The following LUZP2 variants were observed in gnomAD, a reference collection of about 807,000 sequenced individuals.
LUZP2 encodes the protein leucine zipper protein 2.
In LUZP2, 52 loss-of-function variants were observed where a neutral mutation model predicts 51.6. That is an observed-to-expected ratio of 1.01 (90% CI 0.81 to 1.27). The LOEUF (loss-of-function observed/expected upper bound fraction) is 1.27, where lower values mean the gene tolerates loss of function less well. Ranked by LOEUF, LUZP2 falls within the 50% of genes most tolerant of loss-of-function variation. The pLI is 0.00. For missense variants in LUZP2, 436 were observed against 395.4 expected (o/e 1.10, Z -0.87); for synonymous variants, 154 against 137.3 (o/e 1.12, Z -0.85).
chr11:24,746,086 A>G (rs1381709197), intron 4 of LUZP2, among the ~76,000 whole-genome samples: 2 of 152,094 alleles, frequency 1.3e-5, no homozygotes, highest in Non-Finnish European at 2.9e-5. Context: ...TTGTGCTGTT[A>G]TGTACTTGGT....
At chr11:24,791,990 GC>G (rs1260307925) in intron 5 of LUZP2, among the ~76,000 whole-genome samples, 2 of 148,034 alleles carry the variant, frequency 1.4e-5, no homozygotes, top group African/African-American at 5.0e-5. Context: ...CCAAATAGCA[GC>G]TTTTTTCTTC....
At chr11:24,598,279 C>T (rs1342848767) in intron 1 of LUZP2, among the ~76,000 whole-genome samples, 2 of 151,934 alleles carry the variant, frequency 1.3e-5, no homozygotes, top group African/African-American at 4.8e-5. Context: ...ATAAATAAGA[C>T]TCATTAGTAA....
chr11:24,766,655 A>G (rs2716536), intron 5 of LUZP2, among the ~76,000 whole-genome samples: 101,930 of 152,052 alleles, frequency 0.67, 34,300 homozygotes, highest in African/African-American at 0.71. Flanking sequence ...CAATTCCCTC[A>G]AAGATCTACA....
At chr11:24,530,850 TTC>T (rs147033944) in intron 1 of LUZP2, among the ~76,000 whole-genome samples, 1 of 146,868 alleles carries the variant, frequency 6.8e-6, no homozygotes, top group African/African-American at 2.5e-5. Context: ...AATGGCTGGC[TTC>T]TCTTGTTTCA....
intron 1 of LUZP2, among the ~76,000 whole-genome samples, chr11:24,585,068 C>T (rs988139204): frequency 6.6e-6 from 1 of 152,124 alleles, no homozygotes; most frequent in Non-Finnish European, 1.5e-5. Context: ...AGGTTGATGA[C>T]TCCTACTTTC....
At chr11:24,507,131 C>G (rs571773993) in intron 1 of LUZP2, among the ~76,000 whole-genome samples, 2 of 152,040 alleles carry the variant, frequency 1.3e-5, no homozygotes, top group Non-Finnish European at 2.9e-5. Context: ...CAAGTATGCT[C>G]CTCATTCTAA....
chr11:24,759,513 G>C (rs1264638438), intron 4 of LUZP2, among the ~76,000 whole-genome samples: 1 of 151,966 alleles, frequency 6.6e-6, no homozygotes, highest in Non-Finnish European at 1.5e-5. Flanking sequence ...TTATAGTCTT[G>C]ACATGGTAAT....
chr11:25,044,251 GTGTGTGTATA>G (rs1215863352), intron 9 of LUZP2, among the ~76,000 whole-genome samples: 1,748 of 117,488 alleles, frequency 0.015, 19 homozygotes, highest in South Asian at 0.059. Context: ...GTGTGTGTGT[GTGTGTGTATA>G]TATATATATA....
intron 1 of LUZP2, among the ~76,000 whole-genome samples, chr11:24,698,300 G>C (rs1288566342): frequency 1.3e-5 from 2 of 152,136 alleles, no homozygotes; most frequent in Admixed American, 6.5e-5. Flanking sequence ...TATTAATGCA[G>C]TATTTTTACA....
chr11:25,009,634 T>A (rs1856929859), intron 9 of LUZP2, among the ~76,000 whole-genome samples: 1 of 152,182 alleles, frequency 6.6e-6, no homozygotes, highest in Non-Finnish European at 1.5e-5. Flanking sequence ...TATTATTTTT[T>A]AAAAACTTTC....
intron 1 of LUZP2, among the ~76,000 whole-genome samples, chr11:24,682,124 T>A (rs1407288206): frequency 6.6e-6 from 1 of 152,126 alleles, no homozygotes; most frequent in East Asian, 1.9e-4. Flanking sequence ...TTGAAAATAG[T>A]TCTAAGATAT....
intron 1 of LUZP2, among the ~76,000 whole-genome samples, chr11:24,672,267 G>A (rs1374991264): frequency 6.6e-6 from 1 of 152,000 alleles, no homozygotes; most frequent in Non-Finnish European, 1.5e-5. Flanking sequence ...GACCAGTATT[G>A]TAAAATTAGT....
At chr11:24,788,664 C>A (rs1043445436) in intron 5 of LUZP2, among the ~76,000 whole-genome samples, 2 of 151,994 alleles carry the variant, frequency 1.3e-5, no homozygotes, top group African/African-American at 2.4e-5. Flanking sequence ...CATATAAATA[C>A]TATTTATTTT....
chr11:24,610,980 T>C (rs1195908491), intron 1 of LUZP2, among the ~76,000 whole-genome samples: 1 of 152,218 alleles, frequency 6.6e-6, no homozygotes, highest in South Asian at 2.1e-4. Context: ...TTTAATATGA[T>C]TAAACCAGAG....
chr11:24,919,576 A>T (rs1003457163), intron 7 of LUZP2, among the ~76,000 whole-genome samples: 1 of 144,832 alleles, frequency 6.9e-6, no homozygotes, highest in African/African-American at 2.5e-5. Context: ...TTTTTAATTT[A>T]AATACACAGG....
intron 6 of LUZP2, among the ~76,000 whole-genome samples, chr11:24,913,640 C>T (rs1853705090): frequency 6.6e-6 from 1 of 150,600 alleles, no homozygotes. Context: ...ATCAATTTTT[C>T]CTTCATGTGA....
intron 1 of LUZP2, among the ~76,000 whole-genome samples, chr11:24,643,882 G>T (rs898219334): frequency 1.3e-5 from 2 of 152,080 alleles, no homozygotes; most frequent in African/African-American, 2.4e-5. Context: ...ATTTCATCCT[G>T]GGATAATTCT....
intron 9 of LUZP2, among the ~76,000 whole-genome samples, chr11:25,020,254 C>T (rs1444647611): frequency 6.6e-6 from 1 of 152,020 alleles, no homozygotes; most frequent in Non-Finnish European, 1.5e-5. Flanking sequence ...ACTATTTTGT[C>T]TAGTGCTACT....
intron 1 of LUZP2, among the ~76,000 whole-genome samples, chr11:24,683,889 C>A (rs1856821328): frequency 6.6e-6 from 1 of 151,890 alleles, no homozygotes; most frequent in Non-Finnish European, 1.5e-5. Flanking sequence ...CAAAACAGAA[C>A]CCACCATCCC....
Sources: allele counts gnomAD v4.1 joint callset (sites outside exome capture counted in the v4.1 genomes callset), GRCh38; gene constraint gnomAD v4.1.1; transcripts MANE v1.5; gene names NCBI Gene and HGNC (gene_info 2026-07-23, HGNC 2026-07-21).